CNGA1: variants seen among roughly 807,000 people sequenced by gnomAD.
CNGA1 encodes the protein cyclic nucleotide-gated channel alpha-1.
Under a neutral mutation model 69.7 loss-of-function variants are expected in CNGA1, and 53 were observed. The observed-to-expected ratio is 0.76, with a 90% CI of 0.61 to 0.96. CNGA1 has a LOEUF of 0.96. Among genes scored for constraint, CNGA1 ranks in the 40% least tolerant of loss-of-function variants. The probability of loss-of-function intolerance (pLI) is 0.00; values close to 1 mark genes in which losing one functional copy is unlikely to be tolerated. For synonymous variants in CNGA1, 249 were observed against 283.5 expected, an observed-to-expected ratio of 0.88 and a Z score of 1.22; for missense variants, 739 against 811.2, an observed-to-expected ratio of 0.91 and a Z score of 1.08.
intron 2 of CNGA1, among the ~76,000 whole-genome samples, chr4:47,995,682 G>C (rs1742449198): frequency 6.6e-6 from 1 of 151,980 alleles, no homozygotes; most frequent in Non-Finnish European, 1.5e-5. Flanking sequence ...TCCATTGCTG[G>C]TGAGCTAGTG....
chr4:47,942,119 G>A lies in CNGA1; in HGVS notation c.467C>T (p.Pro156Leu). 6.2e-7 allele frequency: 1 copy of A among 1,613,596 alleles called. No homozygotes were observed. Among genetic ancestry groups the A allele is most frequent in the Non-Finnish European group, 8.5e-7 (1 of 1,179,630 alleles). The change falls in exon 9 of 11, where the codon CCC becomes CTC. Residue 156 changes from proline (P) to leucine (L), a missense_variant. Coordinates refer to ENST00000514170, the MANE Select transcript of CNGA1 (RefSeq NM_001379270.1). Reference sequence around the variant, plus strand: ...CCAGTTGTAATATGTGTTTCCCGAGGGATCAATAACCACAACTTCTTTCTT... The same window carrying A: ...CCAGTTGTAATATGTGTTTCCCGAGAGATCAATAACCACAACTTCTTTCTT... ...EEKKEVVVID[P>L]SGNTYYNWLF...
Position 47,988,079 on chromosome 4 carries a change from G to A in CNGA1, c.-122-6579C>T, listed in dbSNP as rs77911152. Among the ~76,000 whole-genome samples, 1,385 of 152,234 alleles carry A rather than the reference G, an allele frequency of 9.1e-3. 19 individuals are homozygous for A. Among genetic ancestry groups the A allele is most frequent in the African/African-American group, 0.03 (1,263 of 41,540 alleles). On this transcript the variant is annotated intron_variant, in intron 2 of 10. Transcript: ENST00000514170. ...AGACCAGGTTGGTACAGGTGGAAGC[G>A]GTGAGAACGGGTCAGATTCTTGATA...
chr4:47,936,944 T>C lies in CNGA1; in HGVS notation c.1538A>G (p.Tyr513Cys). The C allele has an allele frequency of 6.2e-7, 1 of 1,614,092 alleles. No individual in the cohort carries two copies. The highest frequency in any genetic ancestry group is 8.5e-7 in the Non-Finnish European group (1 of 1,179,972). The stretch of plus-strand genomic sequence containing the variant: ...AGCGAGTTTGCCTTCCTTGATAATG[T>C]ACATCTCTCGTCCGATATCCCCTTT... ...CKKGDIGREM[Y>C]IIKEGKLAVV... The change falls in exon 11 of 11, where the codon TAC becomes TGC. Residue 513 changes from tyrosine to cysteine, a missense_variant. Coordinates refer to ENST00000514170, the MANE Select transcript of CNGA1 (RefSeq NM_001379270.1).
intron 2 of CNGA1, among the ~76,000 whole-genome samples, chr4:47,992,772 T>C (rs1281069006): frequency 6.6e-6 from 1 of 152,056 alleles, no homozygotes; most frequent in African/African-American, 2.4e-5. Context: ...TTGTTCCAGT[T>C]CTCAGAGGGA....
intron 2 of CNGA1, among the ~76,000 whole-genome samples, chr4:47,994,447 T>A (rs1237362064): frequency 1.3e-5 from 2 of 152,194 alleles, no homozygotes; most frequent in African/African-American, 4.8e-5. Context: ...TTTGTCTTTT[T>A]AACTGCTGTT....
chr4:47,955,027 G>A (rs999812991), intron 3 of CNGA1, among the ~76,000 whole-genome samples: 33 of 150,890 alleles, frequency 2.2e-4, no homozygotes, highest in Admixed American at 1.4e-3. Flanking sequence ...AAGTGCTCAC[G>A]ACTGTAATAG....
At chr4:48,011,309 T>A (rs1253139928) in intron 1 of CNGA1, among the ~76,000 whole-genome samples, 3 of 136,220 alleles carry the variant, frequency 2.2e-5, no homozygotes, top group Non-Finnish European at 3.1e-5. Flanking sequence ...GAAAAAAAAT[T>A]ACTAAAAAAA....
intron 2 of CNGA1, among the ~76,000 whole-genome samples, chr4:47,996,151 C>T (rs773282125): frequency 1.3e-5 from 2 of 152,098 alleles, no homozygotes; most frequent in African/African-American, 2.4e-5. Context: ...ATTCATGACA[C>T]GAGCCTCCAC....
rs115673965 is a variant in CNGA1 at position 47,978,268 on chromosome 4, T to G, written c.-15+3125A>C. 7.2e-3 allele frequency among the ~76,000 whole-genome samples: 1,090 copies of G among 152,332 alleles called. 8 individuals are homozygous for G. Among genetic ancestry groups the G allele is most frequent in the African/African-American group, 0.025 (1,028 of 41,582 alleles). On this transcript the variant is annotated intron_variant, in intron 3 of 10. Coordinates refer to ENST00000514170, the MANE Select transcript of CNGA1 (RefSeq NM_001379270.1). ...CACAACGTACTTTAAAGAGATTTTTTTAATTTTTGGATTAATTTTGGGAGA... is the reference window on the plus strand; with the variant it reads ...CACAACGTACTTTAAAGAGATTTTTGTAATTTTTGGATTAATTTTGGGAGA...
chr4:48,015,032 G>C (rs1231246154), intron 1 of CNGA1, among the ~76,000 whole-genome samples: 1 of 151,968 alleles, frequency 6.6e-6, no homozygotes, highest in Non-Finnish European at 1.5e-5. Flanking sequence ...CAAAAAATTA[G>C]CCGGGCGTGG....
intron 5 of CNGA1, among the ~76,000 whole-genome samples, chr4:47,950,972 T>C (rs1186396069): frequency 6.6e-6 from 1 of 152,174 alleles, no homozygotes; most frequent in East Asian, 1.9e-4. Flanking sequence ...AGGACTGGGT[T>C]TCTTAAGGGA....
At chr4:47,982,121 CTAAAAG>C (rs1342737946) in intron 2 of CNGA1, among the ~76,000 whole-genome samples, 1 of 152,190 alleles carries the variant, frequency 6.6e-6, no homozygotes, top group African/African-American at 2.4e-5. Flanking sequence ...CTCTAATAAC[CTAAAAG>C]TAAATTTCCC....
chr4:47,981,243 G>C (rs1222984378), intron 3 of CNGA1, 150 bp downstream of exon 3: 2 of 152,166 alleles, frequency 1.3e-5, no homozygotes, highest in African/African-American at 4.8e-5. Context: ...CAAAAAGACA[G>C]AGAAGTTAAT....
At chr4:48,010,552 G>C (rs984843290) in intron 2 of CNGA1, among the ~76,000 whole-genome samples, 2 of 152,176 alleles carry the variant, frequency 1.3e-5, no homozygotes, top group African/African-American at 4.8e-5. Flanking sequence ...CAAGCCTCGT[G>C]TTCTCTGACC....
At chr4:47,966,799 T>C (rs550928771) in intron 3 of CNGA1, among the ~76,000 whole-genome samples, 1 of 152,280 alleles carries the variant, frequency 6.6e-6, no homozygotes, top group Non-Finnish European at 1.5e-5. Context: ...AATGTAGGTA[T>C]AAATTTGAAA....
At position 47,937,719 on chromosome 4, in the gene CNGA1, G is replaced by A; in HGVS notation, c.763C>T (p.Leu255=). The stretch of plus-strand genomic sequence containing the variant: ...TAGTTCCACCCTAACTTAAAATACA[G>A]CAAATCAGTTGGTATCAGTGACAGA... ...DVLSLIPTDL[L]YFKLGWNYPE... The change falls in exon 11 of 11, where the codon CTG becomes TTG. Residue 255 remains leucine (L), a synonymous_variant. Transcript: ENST00000514170. The A allele has an allele frequency of 6.2e-7, 1 of 1,613,976 alleles. No homozygotes were observed. Among genetic ancestry groups the A allele is most frequent in the Non-Finnish European group, 8.5e-7 (1 of 1,179,920 alleles).
chr4:48,003,571 A>G (rs200029922), intron 2 of CNGA1, among the ~76,000 whole-genome samples: 1 of 152,212 alleles, frequency 6.6e-6, no homozygotes, highest in East Asian at 1.9e-4. Flanking sequence ...TAGATCTTAG[A>G]TATGATTATA....
At chr4:48,007,508 T>A (rs1485202994) in intron 2 of CNGA1, among the ~76,000 whole-genome samples, 1 of 152,176 alleles carries the variant, frequency 6.6e-6, no homozygotes, top group Admixed American at 6.5e-5. Context: ...CTGATGCCAA[T>A]CAAGAGGGCC....
chr4:47,958,512 CT>C (rs1183998443), intron 3 of CNGA1, among the ~76,000 whole-genome samples: 4 of 151,860 alleles, frequency 2.6e-5, no homozygotes, highest in Non-Finnish European at 5.9e-5. Flanking sequence ...ATCCCAGCTA[CT>C]TGGGAGACTG....
Sources: allele counts gnomAD v4.1 joint callset (sites outside exome capture counted in the v4.1 genomes callset), GRCh38; gene constraint gnomAD v4.1.1; transcripts MANE v1.5; gene names NCBI Gene and HGNC (gene_info 2026-07-23, HGNC 2026-07-21).